TTC28: variants seen among roughly 807,000 people sequenced by gnomAD.
TTC28 encodes tetratricopeptide repeat domain 28.
TTC28 carries 61 observed loss-of-function variants against 198.0 expected under a neutral mutation model. That is an observed-to-expected ratio of 0.31 (90% CI 0.25 to 0.38). TTC28 has a LOEUF of 0.38. Among genes scored for constraint, TTC28 ranks in the 10% least tolerant of loss-of-function variants. The probability of loss-of-function intolerance (pLI) is 1.00; values close to 1 mark genes in which losing one functional copy is unlikely to be tolerated. For missense variants in TTC28, 2,678 were observed against 3,164.0 expected (o/e 0.85, Z 3.69); for synonymous variants, 1,171 against 1,297.8 (o/e 0.90, Z 2.10).
In TTC28 at chr22:27,982,665, T is replaced by C; in HGVS notation, c.7002A>G (p.Ser2334=). Residue 2334 remains serine, a synonymous_variant, in exon 23 of 23, where the codon TCA becomes TCG. Transcript: ENST00000397906. The surrounding 1 kb of genome is among the most constrained non-coding windows in gnomAD (Gnocchi z 5.2). ...LSYSSAGSAR[S]SPADAPDIDK... is the part of the protein sequence containing the mutation. ...CTATGTCGGGAGCGTCTGCTGGACT[T>C]GAGCGAGCAGATCCAGCTGAGGAGT... The C allele has an allele frequency of 4.5e-6, 7 of 1,551,664 alleles. No homozygotes were observed. Among genetic ancestry groups the C allele is most frequent in the Non-Finnish European group, 6.1e-6 (7 of 1,146,994 alleles).
intron 5 of TTC28, among the ~76,000 whole-genome samples, chr22:28,249,710 GC>G (rs1243996774): frequency 1.3e-5 from 2 of 152,206 alleles, no homozygotes; most frequent in Non-Finnish European, 2.9e-5. Context: ...CCTCCACGTT[GC>G]CTTGAGCTCT....
chr22:28,587,222 G>A (rs12167122), intron 2 of TTC28, among the ~76,000 whole-genome samples: 20,505 of 152,148 alleles, frequency 0.13, 1,621 homozygotes, highest in African/African-American at 0.19. Context: ...AGCTGGGCAT[G>A]GTGGCACACA....
At chr22:28,323,008 T>C (rs956806896) in intron 2 of TTC28, among the ~76,000 whole-genome samples, 2 of 152,286 alleles carry the variant, frequency 1.3e-5, no homozygotes, top group East Asian at 3.9e-4. Flanking sequence ...CCCACACACA[T>C]AGGCCCCCAA....
At chr22:28,264,677 G>A (rs954591106) in intron 5 of TTC28, among the ~76,000 whole-genome samples, 3 of 152,152 alleles carry the variant, frequency 2.0e-5, no homozygotes, top group Non-Finnish European at 2.9e-5. Flanking sequence ...TCTGAAGACT[G>A]CCTTGGTTGT....
rs895716423 is a variant in TTC28 at position 28,108,016 on chromosome 22, T to C, written c.1829A>G (p.Tyr610Cys). The part of the protein sequence containing the change: ...LGNFHCSRGE[Y>C]VQAAPYYEQY... ...TTCATAATAGGGGGCAGCCTGGACA[T>C]ACTCTCCCCGAGAGCAGTGGAAATT... Residue 610 changes from tyrosine (Y) to cysteine (C), a missense_variant, in exon 7 of 23, where the codon TAT becomes TGT. Tyr to Cys is a radical substitution (Grantham distance 194, BLOSUM62 -2). Transcript: ENST00000397906. 2.6e-6 allele frequency: 4 copies of C among 1,551,426 alleles called. No homozygotes were observed. The highest frequency in any genetic ancestry group is 1.4e-5 in the African/African-American group (1 of 73,022).
intron 2 of TTC28, among the ~76,000 whole-genome samples, chr22:28,376,986 T>C (rs1027847006): frequency 1.3e-5 from 2 of 151,662 alleles, no homozygotes; most frequent in African/African-American, 2.4e-5. Flanking sequence ...TTGTCATACA[T>C]AGGACACAAT....
At chr22:28,187,325 TATG>T (rs1224997479) in intron 5 of TTC28, among the ~76,000 whole-genome samples, 1 of 152,224 alleles carries the variant, frequency 6.6e-6, no homozygotes, top group African/African-American at 2.4e-5. Context: ...AATGTTAAAG[TATG>T]ATAATTTGAA....
intron 12 of TTC28, among the ~76,000 whole-genome samples, chr22:28,070,184 T>G (rs945601483): frequency 6.6e-6 from 1 of 152,222 alleles, no homozygotes. Flanking sequence ...TCAATGAATA[T>G]TCCCTGAGGC....
intron 2 of TTC28, among the ~76,000 whole-genome samples, chr22:28,387,424 C>T (rs1601727854): frequency 1.3e-5 from 2 of 152,354 alleles, no homozygotes; most frequent in South Asian, 4.1e-4. Context: ...GCCACACTGA[C>T]TTCCACAATG....
intron 2 of TTC28, among the ~76,000 whole-genome samples, chr22:28,469,544 C>T (rs1393856008): frequency 6.6e-6 from 1 of 152,010 alleles, no homozygotes; most frequent in Non-Finnish European, 1.5e-5. Context: ...CTTAAGTGAC[C>T]TTATAAGAGG....
At chr22:28,345,513 T>C (rs1380048507) in intron 2 of TTC28, among the ~76,000 whole-genome samples, 1 of 152,176 alleles carries the variant, frequency 6.6e-6, no homozygotes, top group Non-Finnish European at 1.5e-5. Context: ...GATGACCTTT[T>C]ATGGATCTGC....
chr22:28,273,918 C>A (rs1257955463), intron 5 of TTC28, among the ~76,000 whole-genome samples: 1 of 151,802 alleles, frequency 6.6e-6, no homozygotes, highest in Non-Finnish European at 1.5e-5. Context: ...TGGAAACAAC[C>A]CAAAAGAATA....
chr22:28,211,596 T>C (rs756559213), intron 5 of TTC28, among the ~76,000 whole-genome samples: 17 of 152,100 alleles, frequency 1.1e-4, no homozygotes, highest in Non-Finnish European at 2.4e-4. Context: ...CCTAAATATA[T>C]ATGCACCCAA....
chr22:28,045,081 TC>T (rs1378612518), intron 12 of TTC28, among the ~76,000 whole-genome samples: 2 of 152,166 alleles, frequency 1.3e-5, no homozygotes. Flanking sequence ...AATGGAGTTT[TC>T]CCCTGATGAT....
intron 1 of TTC28, among the ~76,000 whole-genome samples, chr22:28,675,278 G>C (rs1195198526): frequency 6.6e-6 from 1 of 151,882 alleles, no homozygotes; most frequent in Admixed American, 6.6e-5. Flanking sequence ...CTAAATATAA[G>C]GGCTAAAAGC....
intron 2 of TTC28, among the ~76,000 whole-genome samples, chr22:28,423,867 C>T (rs954317999): frequency 1.3e-5 from 2 of 152,204 alleles, no homozygotes; most frequent in Non-Finnish European, 2.9e-5. Flanking sequence ...ACAGTGTATG[C>T]TTCAGCAAAA....
intron 2 of TTC28, among the ~76,000 whole-genome samples, chr22:28,326,680 T>G (rs940973852): frequency 5.3e-5 from 8 of 152,178 alleles, no homozygotes; most frequent in African/African-American, 1.9e-4. Flanking sequence ...ATTGACAGTT[T>G]TATGACAGCA....
intron 12 of TTC28, among the ~76,000 whole-genome samples, chr22:28,054,529 G>T (rs1266383988): frequency 6.6e-6 from 1 of 152,050 alleles, no homozygotes. Flanking sequence ...ATAAGAGAGG[G>T]GTGTTGCCAA....
chr22:28,261,027 T>C (rs1431713468), intron 5 of TTC28, among the ~76,000 whole-genome samples: 1 of 152,132 alleles, frequency 6.6e-6, no homozygotes, highest in Non-Finnish European at 1.5e-5. Context: ...CTACTCTGTT[T>C]GTGCCTCTGT....
Sources: gnomAD v4.1 joint callset for allele counts (sites outside exome capture counted in the v4.1 genomes callset) on GRCh38, gnomAD v4.1.1 for gene constraint, Gnocchi (gnomAD v3.1) non-coding constraint, MANE v1.5 for transcripts, NCBI Gene and HGNC (gene_info 2026-07-23, HGNC 2026-07-21) for gene names.